Variants in TRPM1 observed in about 807,000 individuals in gnomAD.
TRPM1 encodes the protein transient receptor potential cation channel subfamily M member 1, also known as TRPM1-203 APA Isoform, Intron 10.
TRPM1 carries 113 observed loss-of-function variants against 149.4 expected under a neutral mutation model. That is an observed-to-expected ratio of 0.76 (90% CI 0.65 to 0.88). The LOEUF is 0.88. Among genes scored for constraint, TRPM1 ranks in the 40% least tolerant of loss-of-function variants. The probability of loss-of-function intolerance (pLI) is 0.00; values close to 1 mark genes in which losing one functional copy is unlikely to be tolerated. For synonymous variants in TRPM1, 741 were observed against 759.5 expected, an observed-to-expected ratio of 0.98 and a Z score of 0.40; for missense variants, 1,976 against 2,038.7, an observed-to-expected ratio of 0.97 and a Z score of 0.59.
rs149953449 is a variant in TRPM1, at chr15:31,082,519, G to C, written c.-83-1081C>G. On this transcript the variant is annotated intron_variant, in intron 1 of 27. Coordinates refer to ENST00000256552, the MANE Select transcript of TRPM1 (RefSeq NM_001252024.2). ...TCTGTACAGTATCTGGGAGGTACTA[G>C]ATTTAAATGCAATCCTGGTCATTAT... Among the ~76,000 whole-genome samples, 5 of 152,272 alleles carry C rather than the reference G, an allele frequency of 3.3e-5. No homozygotes were observed. The East Asian group carries it at 9.7e-4, about 29-fold the overall frequency.
At position 31,040,236 on chromosome 15, in the gene TRPM1, C is replaced by T; in HGVS notation, c.2198G>A (p.Cys733Tyr). The change falls in exon 18 of 28, where the codon TGC (cysteine) becomes TAC (tyrosine). Residue 733 changes from cysteine to tyrosine, a missense_variant. Physicochemically the swap from Cys to Tyr is radical, Grantham distance 194. Coordinates refer to ENST00000256552, the MANE Select transcript of TRPM1 (RefSeq NM_001252024.2). This position sits in a 1 kb window ranked among gnomAD's most constrained non-coding sequence, Gnocchi z 4.2. ...YELKNWSNSTCLKLAVAAKHR... is the reference protein window; with the variant it reads ...YELKNWSNSTYLKLAVAAKHR... ...TTTGGCTGCCACGGCCAGTTTGAGG[C>T]AGGTCGAGTTGCTCCAGTTTTTCAG... The T allele has an allele frequency of 6.2e-7, 1 of 1,614,208 alleles. No individual in the cohort carries two copies. Among genetic ancestry groups the T allele is most frequent in the Non-Finnish European group, 8.5e-7 (1 of 1,180,034 alleles).
At chr15:31,020,697 A>T (rs2032523538) in intron 27 of TRPM1, among the ~76,000 whole-genome samples, 1 of 152,104 alleles carries the variant, frequency 6.6e-6, no homozygotes, top group Non-Finnish European at 1.5e-5. Context: ...CTTTCTATGT[A>T]TGTGGACTTT....
intron 18 of TRPM1, among the ~76,000 whole-genome samples, chr15:31,038,604 T>A (rs2033505133): frequency 6.6e-6 from 1 of 151,996 alleles, no homozygotes; most frequent in African/African-American, 2.4e-5. Context: ...ACCAGCTACT[T>A]GGGAGGCTGA....
intron 20 of TRPM1, among the ~76,000 whole-genome samples, chr15:31,037,409 A>G (rs2033439939): frequency 6.6e-6 from 1 of 152,258 alleles, no homozygotes; most frequent in African/African-American, 2.4e-5. Context: ...ATAAAATTAT[A>G]GTTCCTTAAG....
intron 27 of TRPM1, among the ~76,000 whole-genome samples, chr15:31,016,881 T>A (rs1457853206): frequency 6.6e-6 from 1 of 152,092 alleles, no homozygotes; most frequent in Non-Finnish European, 1.5e-5. Context: ...CATATTCATC[T>A]TTTGACTCAC....
chr15:31,061,715 G>A (rs1165733783), intron 9 of TRPM1, among the ~76,000 whole-genome samples: 2 of 146,838 alleles, frequency 1.4e-5, no homozygotes, highest in African/African-American at 2.5e-5. Flanking sequence ...ATGGAGTTTC[G>A]CTCTTGTCGC....
chr15:31,002,912 T>G lies in TRPM1; in HGVS notation c.3788A>C (p.Asp1263Ala). The change falls in exon 28 of 28, where the codon GAC becomes GCC. Residue 1263 changes from aspartate (D) to alanine (A), a missense_variant. Physicochemically the swap from Asp to Ala is moderately radical, Grantham distance 126. Transcript: ENST00000256552. ...LENLAGIDRSDLIQARSRASS... is the reference protein window; with the variant it reads ...LENLAGIDRSALIQARSRASS... The stretch of plus-strand genomic sequence containing the variant: ...AGCCCGGGACCGTGCCTGGATCAGG[T>G]CAGACCTGTCGATTCCCGCAAGATT... 6.2e-7 allele frequency: 1 copy of G among 1,609,276 alleles called. No individual in the cohort carries two copies. The highest frequency in any genetic ancestry group is 1.3e-5 in the African/African-American group (1 of 74,800).
Position 31,042,159 on chromosome 15 carries a change from C to T in TRPM1, c.1879G>A (p.Val627Met), listed in dbSNP as rs17815774. 49,071 of 1,614,128 alleles carry T rather than the reference C, an allele frequency of 0.03. 860 individuals are homozygous for T. The highest frequency in any genetic ancestry group is 0.036 in the Non-Finnish European group (42,544 of 1,179,984). ...TGGAAGGGATACTGGAACCGACTCACGGCAGGGTCGTCCACATCAATGTCG... is the reference window on the plus strand; with the variant it reads ...TGGAAGGGATACTGGAACCGACTCATGGCAGGGTCGTCCACATCAATGTCG... ...EIDIDVDDPA[V>M]SRFQYPFHEL... The change falls in exon 17 of 28, where the codon GTG becomes ATG. Residue 627 changes from valine (V) to methionine (M), a missense_variant. This residue lies in a region of TRPM1 where 1,332 missense variants were observed against 1,347.1 expected (regional missense o/e 0.99). Coordinates refer to ENST00000256552, the MANE Select transcript of TRPM1 (RefSeq NM_001252024.2).
intron 1 of TRPM1, among the ~76,000 whole-genome samples, chr15:31,133,778 G>A (rs572544930): frequency 2.0e-5 from 3 of 152,286 alleles, no homozygotes; most frequent in African/African-American, 7.2e-5. Flanking sequence ...AGCTTCTCCA[G>A]ACAAGATCCC....
intron 11 of TRPM1, among the ~76,000 whole-genome samples, chr15:31,058,114 G>A (rs1024384516): frequency 6.6e-6 from 1 of 151,842 alleles, no homozygotes; most frequent in African/African-American, 2.4e-5. Flanking sequence ...GCAGTGGCAA[G>A]TGTACATAGG....
At chr15:31,080,617 GCCCCGC>G (rs2034829686) in intron 2 of TRPM1, among the ~76,000 whole-genome samples, 1 of 141,020 alleles carries the variant, frequency 7.1e-6, no homozygotes, top group Non-Finnish European at 1.5e-5. Flanking sequence ...TAGCCCCCAG[GCCCCGC>G]CCCCAAGTCC....
intron 1 of TRPM1, among the ~76,000 whole-genome samples, chr15:31,094,378 A>C (rs1490204734): frequency 1.3e-5 from 2 of 152,202 alleles, no homozygotes; most frequent in African/African-American, 4.8e-5. Flanking sequence ...AAAATGAAAA[A>C]CTGTTCATCA....
chr15:31,065,217 A>G, intron 7 of TRPM1: 1 of 495,482 alleles, frequency 2.0e-6, no homozygotes, highest in Non-Finnish European at 4.1e-6. Context: ...TCATCGACCA[A>G]TGTATTCTTC....
Position 31,014,016 on chromosome 15 carries a change from G to C in TRPM1, c.3630-10946C>G, listed in dbSNP as rs562157221. ...TTAGCTTTCACTTCCTGCTTGCACA[G>C]AGCCTCAAGATCAAGTCAGCCAGAA... On this transcript the variant is annotated intron_variant, in intron 27 of 27. Transcript: ENST00000256552. Among the ~76,000 whole-genome samples the C allele has an allele frequency of 1.8e-4, 28 of 152,280 alleles. 1 individual carries two copies. Among genetic ancestry groups the C allele is most frequent in the South Asian group, 1.7e-3 (8 of 4,830 alleles).
At chr15:31,088,847 A>G (rs1303565112) in intron 1 of TRPM1, among the ~76,000 whole-genome samples, 2 of 141,284 alleles carry the variant, frequency 1.4e-5, no homozygotes, top group Non-Finnish European at 3.1e-5. Context: ...GCGATGCGAT[A>G]AGCCCTGCTG....
At chr15:31,096,963 G>A (rs1022398190) in intron 1 of TRPM1, among the ~76,000 whole-genome samples, 1 of 152,198 alleles carries the variant, frequency 6.6e-6, no homozygotes, top group Non-Finnish European at 1.5e-5. Flanking sequence ...TGAAACCCTA[G>A]GCATTCACCA....
At position 31,081,437 on chromosome 15, in the gene TRPM1, A is replaced by G; in HGVS notation, c.-82T>C. On this transcript the variant is annotated splice_region_variant and 5_prime_UTR_variant, in exon 2 of 28. Coordinates refer to ENST00000256552, the MANE Select transcript of TRPM1 (RefSeq NM_001252024.2). Reference sequence around the variant, plus strand: ...GCTGAGTCCTCAGAAATCTTCTAGAACCTACGAGGATAAACAAGAGGAGTA... The same window carrying G: ...GCTGAGTCCTCAGAAATCTTCTAGAGCCTACGAGGATAAACAAGAGGAGTA... 5 of 1,531,224 alleles carry G rather than the reference A, an allele frequency of 3.3e-6. No homozygotes were observed. The highest frequency in any genetic ancestry group is 2.6e-6 in the Non-Finnish European group (3 of 1,143,742). 94.9% of individuals were successfully genotyped at this position (1,531,224 alleles called of 1,614,324 possible). A position where few individuals can be genotyped will look rare whatever the true frequency, so the allele number is the denominator to read the frequency against.
chr15:31,052,165 A>G (rs2033963678), intron 11 of TRPM1, among the ~76,000 whole-genome samples: 1 of 152,250 alleles, frequency 6.6e-6, no homozygotes, highest in Admixed American at 6.5e-5. Context: ...ACCTTTAAAT[A>G]TAAAAATGGA....
At position 31,125,557 on chromosome 15, in the gene TRPM1, C is replaced by T. The variant is rs546978768; in HGVS notation, c.54+35349G>A. ...CATCCCGGCTAAAACGGTGAAACCT[C>T]GTCTCTACTAAAAATACAAAAAATT... is the stretch of plus-strand genomic sequence containing the variant. On this transcript the variant is annotated intron_variant, in intron 1 of 26. Coordinates refer to the TRPM1 transcript ENST00000542188. Among the ~76,000 whole-genome samples the T allele has an allele frequency of 1.4e-3, 209 of 148,762 alleles. 1 individual carries two copies. In the Middle Eastern group the frequency reaches 0.024, roughly 17 times the overall value.
Sources: allele counts gnomAD v4.1 joint callset (sites outside exome capture counted in the v4.1 genomes callset), GRCh38; gene constraint gnomAD v4.1.1; regional missense constraint gnomAD v4.1.1; non-coding constraint Gnocchi (gnomAD v3.1); transcripts MANE v1.5; gene names NCBI Gene and HGNC (gene_info 2026-07-23, HGNC 2026-07-21).